SMYD3: variants seen among roughly 807,000 people sequenced by gnomAD.
The protein encoded by SMYD3 is SET and MYND domain containing 3.
In SMYD3, 36 loss-of-function variants were observed where a neutral mutation model predicts 57.7. The ratio of observed to expected loss-of-function variants is 0.62; its 90% CI spans 0.48 to 0.82. SMYD3 has a LOEUF of 0.82. Among genes scored for constraint, SMYD3 ranks in the 40% least tolerant of loss-of-function variants. The probability of loss-of-function intolerance (pLI) is 0.00; values close to 1 mark genes in which losing one functional copy is unlikely to be tolerated. For missense variants in SMYD3, 515 were observed against 538.8 expected (o/e 0.96, Z 0.44); for synonymous variants, 211 against 195.0 (o/e 1.08, Z -0.68).
intron 5 of SMYD3, among the ~76,000 whole-genome samples, chr1:246,236,578 T>C (rs10924590): frequency 0.21 from 31,490 of 151,778 alleles, 3,963 homozygotes; most frequent in East Asian, 0.58. Context: ...CCACGCCTGG[T>C]TAATTTTTTG....
intron 5 of SMYD3, among the ~76,000 whole-genome samples, chr1:246,267,165 T>C (rs1239207468): frequency 6.6e-6 from 1 of 152,324 alleles, no homozygotes; most frequent in East Asian, 1.9e-4. Flanking sequence ...TAAATGTGCA[T>C]AGCCTGAATA....
intron 10 of SMYD3, among the ~76,000 whole-genome samples, chr1:245,843,045 A>G (rs1485710398): frequency 2.1e-4 from 32 of 152,204 alleles, no homozygotes; most frequent in Admixed American, 2.1e-3. Flanking sequence ...ACATTTTAAT[A>G]GAAAATTCAT....
chr1:246,139,723 G>T (rs1438355167), intron 5 of SMYD3, among the ~76,000 whole-genome samples: 1 of 152,202 alleles, frequency 6.6e-6, no homozygotes, highest in African/African-American at 2.4e-5. Flanking sequence ...GTGGGTTATA[G>T]AAGGCCTTAA....
intron 5 of SMYD3, among the ~76,000 whole-genome samples, chr1:246,230,875 G>C (rs947931482): frequency 2.6e-5 from 4 of 152,138 alleles, no homozygotes; most frequent in African/African-American, 9.7e-5. Context: ...GTGGCTACTG[G>C]TTACCATATT....
chr1:246,282,221 A>G (rs1485406853), intron 5 of SMYD3, among the ~76,000 whole-genome samples: 1 of 144,392 alleles, frequency 6.9e-6, no homozygotes, highest in Non-Finnish European at 1.5e-5. Flanking sequence ...TAATCCTAGC[A>G]CTTTGGGAGG....
At chr1:246,266,246 G>T (rs146494057) in intron 5 of SMYD3, among the ~76,000 whole-genome samples, 319 of 152,178 alleles carry the variant, frequency 2.1e-3, no homozygotes, top group African/African-American at 7.5e-3. Context: ...AACAGGGAAA[G>T]AACTCTATTG....
chr1:246,180,417 T>C (rs1314802315), intron 5 of SMYD3, among the ~76,000 whole-genome samples: 3 of 149,284 alleles, frequency 2.0e-5, no homozygotes, highest in African/African-American at 7.4e-5. Flanking sequence ...GTCATGAAGA[T>C]TTGATTTTGG....
intron 5 of SMYD3, among the ~76,000 whole-genome samples, chr1:246,105,089 T>C (rs2061093518): frequency 6.6e-6 from 1 of 152,052 alleles, no homozygotes; most frequent in African/African-American, 2.4e-5. Context: ...GGCCACACCA[T>C]CCTAACAGGA....
At chr1:245,918,873 G>A (rs1026089003) in intron 7 of SMYD3, among the ~76,000 whole-genome samples, 2 of 152,150 alleles carry the variant, frequency 1.3e-5, no homozygotes, top group Non-Finnish European at 2.9e-5. Flanking sequence ...GTAGTTATTG[G>A]GAGATTACAG....
intron 1 of SMYD3, among the ~76,000 whole-genome samples, chr1:246,487,914 G>A (rs954707565): frequency 6.6e-5 from 10 of 152,000 alleles, no homozygotes; most frequent in Admixed American, 3.3e-4. Context: ...GGCTGGTCTC[G>A]AACTCCCAAC....
At chr1:245,989,644 T>G (rs991134469) in intron 5 of SMYD3, among the ~76,000 whole-genome samples, 4 of 152,256 alleles carry the variant, frequency 2.6e-5, no homozygotes. Flanking sequence ...TGTCCTACCT[T>G]GTACCTTGAA....
At chr1:246,309,069 TAATATA>T (rs2065033228) in intron 5 of SMYD3, among the ~76,000 whole-genome samples, 1 of 152,184 alleles carries the variant, frequency 6.6e-6, no homozygotes, top group Non-Finnish European at 1.5e-5. Context: ...CGTTCTGTAT[TAATATA>T]ATTAGTAGAA....
At chr1:245,823,218 CTT>C (rs2049276909) in intron 10 of SMYD3, among the ~76,000 whole-genome samples, 1 of 152,224 alleles carries the variant, frequency 6.6e-6, no homozygotes, top group Non-Finnish European at 1.5e-5. Flanking sequence ...TGATTCATCT[CTT>C]CTACATTGTT....
chr1:245,809,803 C>G (rs1490470552), intron 10 of SMYD3, among the ~76,000 whole-genome samples: 1 of 152,350 alleles, frequency 6.6e-6, no homozygotes, highest in Non-Finnish European at 1.5e-5. Flanking sequence ...TGAGACAGAA[C>G]TGCAGACTGG....
chr1:246,331,889 T>C (rs2065467485), intron 3 of SMYD3, among the ~76,000 whole-genome samples: 2 of 152,256 alleles, frequency 1.3e-5, no homozygotes, highest in African/African-American at 4.8e-5. Context: ...CTGTAATTGT[T>C]TTGGGGTACC....
At chr1:245,924,042 T>C (rs2056182441) in intron 7 of SMYD3, among the ~76,000 whole-genome samples, 1 of 152,230 alleles carries the variant, frequency 6.6e-6, no homozygotes, top group African/African-American at 2.4e-5. Flanking sequence ...TCAATCACAT[T>C]TCTCCCAGTT....
intron 8 of SMYD3, among the ~76,000 whole-genome samples, chr1:245,898,123 T>C (rs1445706220): frequency 6.6e-6 from 1 of 152,224 alleles, no homozygotes. Flanking sequence ...ATCATTTTTC[T>C]AGCTGTTATA....
At chr1:246,007,697 G>C (rs551493084) in intron 5 of SMYD3, among the ~76,000 whole-genome samples, 1 of 151,738 alleles carries the variant, frequency 6.6e-6, no homozygotes, top group African/African-American at 2.4e-5. Context: ...TATGCCTGTA[G>C]TCCCAACTAC....
chr1:245,808,071 C>CCCAGGACG (rs2048280368), intron 10 of SMYD3, among the ~76,000 whole-genome samples: 1 of 152,164 alleles, frequency 6.6e-6, no homozygotes, highest in African/African-American at 2.4e-5. Flanking sequence ...CAGATCATAA[C>CCCAGGACG]CCAGGACGGC....
Sources: allele counts gnomAD v4.1 joint callset (sites outside exome capture counted in the v4.1 genomes callset), GRCh38; gene constraint gnomAD v4.1.1; transcripts MANE v1.5; gene names NCBI Gene and HGNC (gene_info 2026-07-23, HGNC 2026-07-21).